The following HMCN1 variants were observed in gnomAD, a reference collection of about 807,000 sequenced individuals.
HMCN1 encodes the protein hemicentin-1.
Under a neutral mutation model 625.9 loss-of-function variants are expected in HMCN1, and 321 were observed. The ratio of observed to expected loss-of-function variants is 0.51; its 90% confidence interval spans 0.47 to 0.56. The LOEUF (loss-of-function observed/expected upper bound fraction) is 0.56, where lower values mean the gene tolerates loss of function less well. Ranked by LOEUF, HMCN1 falls within the 20% of genes least tolerant of loss-of-function variation. HMCN1 has a pLI of 0.00. For missense variants in HMCN1, 6,588 were observed against 6,887.3 expected (o/e 0.96, Z 1.54); for synonymous variants, 2,425 against 2,417.6 (o/e 1.00, Z -0.09).
chr1:186,147,831 T>C (rs901261926), intron 93 of HMCN1, among the ~76,000 whole-genome samples: 2 of 152,216 alleles, frequency 1.3e-5, no homozygotes, highest in African/African-American at 2.4e-5. Flanking sequence ...AAGTCAATCT[T>C]TTAGCTGGCA....
Position 185,906,896 on chromosome 1 carries a change from T to G in HMCN1, c.622-2441T>G, listed in dbSNP as rs113674000. 6.3e-4 allele frequency among the ~76,000 whole-genome samples: 96 copies of G among 151,916 alleles called. 2 individuals are homozygous for G. Among genetic ancestry groups the G allele is most frequent in the Non-Finnish European group, 9.6e-4 (65 of 67,834 alleles). On this transcript the variant is annotated intron_variant, in intron 4 of 106. Coordinates refer to ENST00000271588, the MANE Select transcript of HMCN1 (RefSeq NM_031935.3). ...TATCAGGCATTATCCTCAAAATTAT[T>G]TATTATCAGTTAAATTTATAAAATG...
chr1:186,148,130 C>T lies in HMCN1; in HGVS notation c.14608+2207C>T, dbSNP rs1280279280. Among the ~76,000 whole-genome samples the T allele has an allele frequency of 2.6e-5, 4 of 152,196 alleles. No individual in the cohort carries two copies. In the East Asian group the frequency reaches 7.7e-4, roughly 29 times the overall value. ...TTTGTTGTCGTTTTAACAATGTTCACAGCATCTTCATCAGGAGTAGATTCC... is the reference window on the plus strand; with the variant it reads ...TTTGTTGTCGTTTTAACAATGTTCATAGCATCTTCATCAGGAGTAGATTCC... On this transcript the variant is annotated intron_variant, in intron 93 of 106. Transcript: ENST00000271588.
intron 1 of HMCN1, among the ~76,000 whole-genome samples, chr1:185,821,428 A>G (rs1191850850): frequency 6.6e-6 from 1 of 152,170 alleles, no homozygotes; most frequent in Non-Finnish European, 1.5e-5. Flanking sequence ...ATTCTGTCAT[A>G]TAATAATAGA....
At chr1:185,955,013 G>T (rs769432427) in intron 11 of HMCN1, among the ~76,000 whole-genome samples, 1 of 151,974 alleles carries the variant, frequency 6.6e-6, no homozygotes, top group Non-Finnish European at 1.5e-5. Flanking sequence ...TTAGATTAAG[G>T]TCCCTTCCCC....
At chr1:185,958,084 T>A (rs1456824898) in intron 11 of HMCN1, among the ~76,000 whole-genome samples, 1 of 151,974 alleles carries the variant, frequency 6.6e-6, no homozygotes, top group Non-Finnish European at 1.5e-5. Context: ...ATAAATAGGG[T>A]ATATAATCTT....
chr1:185,783,430 T>C (rs948130189), intron 1 of HMCN1, among the ~76,000 whole-genome samples: 2 of 152,212 alleles, frequency 1.3e-5, no homozygotes, highest in African/African-American at 4.8e-5. Context: ...CTCTGATTTT[T>C]AGAATTTTCA....
chr1:185,796,100 G>C (rs1658353870), intron 1 of HMCN1, among the ~76,000 whole-genome samples: 1 of 152,212 alleles, frequency 6.6e-6, no homozygotes, highest in East Asian at 1.9e-4. Flanking sequence ...CAGTGACTGG[G>C]TTTGTGGAAC....
At chr1:185,987,376 A>G in intron 19 of HMCN1, 56 bp from the exon 20 acceptor site, 1 of 1,032,680 alleles carries the variant, frequency 9.7e-7, no homozygotes, top group Non-Finnish European at 1.5e-6. Flanking sequence ...CTTTAAATAG[A>G]TGATTTTAAA....
At chr1:186,103,695 T>C (rs1660488249) in intron 69 of HMCN1, 27 bp downstream of exon 69, 1 of 1,600,574 alleles carries the variant, frequency 6.2e-7, no homozygotes, top group Admixed American at 1.7e-5. Flanking sequence ...ATAGAATTAT[T>C]TTAGGTTAGG....
chr1:186,064,801 C>A (rs1657998839), intron 48 of HMCN1, among the ~76,000 whole-genome samples: 2 of 97,502 alleles, frequency 2.1e-5, no homozygotes, highest in African/African-American at 5.1e-5. Flanking sequence ...CAGAGTGAGA[C>A]TTCATCTCAA....
intron 1 of HMCN1, among the ~76,000 whole-genome samples, chr1:185,751,218 G>A (rs1039588645): frequency 2.0e-5 from 3 of 152,078 alleles, no homozygotes; most frequent in Admixed American, 2.0e-4. Flanking sequence ...CATACAAATA[G>A]GAAATCCTTT....
At chr1:185,930,192 G>T (rs1384101366) in intron 10 of HMCN1, among the ~76,000 whole-genome samples, 2 of 152,192 alleles carry the variant, frequency 1.3e-5, no homozygotes, top group Non-Finnish European at 2.9e-5. Flanking sequence ...CTGTGCCCAA[G>T]CTGATTTTCA....
chr1:186,011,823 G>C (rs967933866), intron 30 of HMCN1, among the ~76,000 whole-genome samples: 2 of 152,092 alleles, frequency 1.3e-5, no homozygotes, highest in African/African-American at 4.8e-5. Context: ...CTGGTAATTT[G>C]GGGTTGGACT....
Position 186,137,521 on chromosome 1 carries a change from T to A in HMCN1, c.13606T>A (p.Ser4536Thr). ...AGTTCATGGTGGATTTTCCCAGTGG[T>A]CTGCATGGAGAGCCTGCAGTGTCAC... is the stretch of plus-strand genomic sequence containing the variant. Reference protein sequence around the residue: ...VQVHGGFSQWSAWRACSVTCG... With the variant: ...VQVHGGFSQWTAWRACSVTCG... Residue 4536 changes from serine to threonine, a missense_variant, in exon 88 of 107, where the codon TCT becomes ACT. Around this residue, in one of 3 missense-constraint regions of HMCN1, gnomAD observed 1,954 missense variants for 2,013.1 expected, o/e 0.97. Transcript: ENST00000271588. 6.2e-7 allele frequency: 1 copy of A among 1,613,710 alleles called. No individual in the cohort carries two copies. Among genetic ancestry groups the A allele is most frequent in the Non-Finnish European group, 8.5e-7 (1 of 1,179,858 alleles).
intron 1 of HMCN1, among the ~76,000 whole-genome samples, chr1:185,839,439 A>T (rs1301878697): frequency 6.6e-6 from 1 of 152,200 alleles, no homozygotes; most frequent in Non-Finnish European, 1.5e-5. Context: ...ATCTTATTAA[A>T]TAGCATGACT....
rs779996381 is a variant in HMCN1 at position 186,087,308 on chromosome 1, A to G, written c.9138A>G (p.Lys3046=). ...IAINQAGESK[K]KFSLTVYVPP... ...TCAATCAAGCTGGCGAAAGCAAGAA[A>G]AAGTTTTCCCTGACTGTTTATGGTT... Residue 3046 remains lysine (K), a synonymous_variant, in exon 59 of 107, where the codon AAA becomes AAG. Transcript: ENST00000271588. 2.2e-5 allele frequency: 36 copies of G among 1,612,980 alleles called. No individual in the cohort carries two copies. Among genetic ancestry groups the G allele is most frequent in the Non-Finnish European group, 2.7e-5 (32 of 1,179,294 alleles).
chr1:185,818,698 A>T (rs991223470), intron 1 of HMCN1, among the ~76,000 whole-genome samples: 3 of 152,190 alleles, frequency 2.0e-5, no homozygotes, highest in East Asian at 1.9e-4. Context: ...CATAAGAATT[A>T]AAGTGATATG....
At chr1:186,121,356 T>G (rs1429272256) in intron 80 of HMCN1, among the ~76,000 whole-genome samples, 1 of 152,160 alleles carries the variant, frequency 6.6e-6, no homozygotes, top group Non-Finnish European at 1.5e-5. Flanking sequence ...GGTAATGGTT[T>G]AGAGAAAAGG....
intron 4 of HMCN1, among the ~76,000 whole-genome samples, chr1:185,866,406 T>G: frequency 7.2e-6 from 1 of 138,596 alleles, no homozygotes; most frequent in South Asian, 2.4e-4. Context: ...AATTTTTTTT[T>G]TTTTTTTTTT....
Sources: gnomAD v4.1 joint callset for allele counts (sites outside exome capture counted in the v4.1 genomes callset) on GRCh38, gnomAD v4.1.1 for gene constraint, gnomAD v4.1.1 regional missense constraint, MANE v1.5 for transcripts, NCBI Gene and HGNC (gene_info 2026-07-23, HGNC 2026-07-21) for gene names.